RYR2: variants seen among roughly 807,000 people sequenced by gnomAD.
The protein encoded by RYR2 is cardiac muscle ryanodine receptor-calcium release channel.
A neutral mutation model predicts 601.1 loss-of-function variants in RYR2; 227 were observed. That is an observed-to-expected ratio of 0.38 (90% confidence interval 0.34 to 0.42). RYR2 has a LOEUF of 0.42. Among genes scored for constraint, RYR2 ranks in the 10% least tolerant of loss-of-function variants. RYR2 has a pLI of 1.00. For missense variants in RYR2, 4,646 were observed against 6,156.5 expected, an observed-to-expected ratio of 0.75 and a Z score of 8.21; for synonymous variants, 2,223 against 2,175.1, an observed-to-expected ratio of 1.02 and a Z score of -0.61.
chr1:237,163,288 C>T (rs1676241779), intron 1 of RYR2, among the ~76,000 whole-genome samples: 1 of 152,082 alleles, frequency 6.6e-6, no homozygotes, highest in Non-Finnish European at 1.5e-5. Flanking sequence ...CCATCAATAG[C>T]ATTTCCTCAC....
At chr1:237,417,009 T>C (rs1214938320) in intron 10 of RYR2, 40 bp from the exon 11 acceptor site, 2 of 1,574,862 alleles carry the variant, frequency 1.3e-6, no homozygotes, top group African/African-American at 1.3e-5. Context: ...ATGAAACATG[T>C]TTAACTCACA....
chr1:237,194,171 A>C (rs1680304840), intron 1 of RYR2, among the ~76,000 whole-genome samples: 1 of 152,210 alleles, frequency 6.6e-6, no homozygotes, highest in Non-Finnish European at 1.5e-5. Context: ...GAGTACAGCA[A>C]GGAACTCTAT....
chr1:237,492,004 G>C, intron 18 of RYR2, 80 bp downstream of exon 18: 1 of 715,944 alleles, frequency 1.4e-6, no homozygotes, highest in Non-Finnish European at 2.4e-6. Flanking sequence ...CTTTTAAAAA[G>C]TGTGTCAAAT....
chr1:237,744,380 G>A (rs1178979797), intron 80 of RYR2, among the ~76,000 whole-genome samples: 1 of 151,122 alleles, frequency 6.6e-6, no homozygotes, highest in African/African-American at 2.4e-5. Flanking sequence ...AGGTGGCCAG[G>A]TGCAGAGGCT....
At chr1:237,692,680 C>G (rs1189222654) in intron 63 of RYR2, among the ~76,000 whole-genome samples, 2 of 152,190 alleles carry the variant, frequency 1.3e-5, no homozygotes, top group African/African-American at 2.4e-5. Flanking sequence ...AGTAAAGGAC[C>G]CTCACACATA....
Position 237,700,487 on chromosome 1 carries a change from GGA to G in RYR2, c.9367+22_9367+23del. 1 of 1,305,718 alleles carries G rather than the reference GGA, an allele frequency of 7.7e-7. No homozygotes were observed. Among genetic ancestry groups the G allele is most frequent in the Non-Finnish European group, 1.1e-6 (1 of 935,624 alleles). 80.9% of individuals were successfully genotyped at this position (1,305,718 alleles called of 1,614,324 possible). ...TAATATGTATGTAAATTTATATCTT[GGA>G]GTTTTTTTTTTTTTAATCGAAATAC... On this transcript the variant is annotated intron_variant, in intron 65 of 104. Coordinates refer to ENST00000366574, the MANE Select transcript of RYR2 (RefSeq NM_001035.3).
chr1:237,585,081 T>C (rs1192699253), intron 29 of RYR2, among the ~76,000 whole-genome samples: 5 of 152,120 alleles, frequency 3.3e-5, no homozygotes, highest in Non-Finnish European at 7.4e-5. Flanking sequence ...CACGCTTGTT[T>C]GTTTACCTAC....
intron 1 of RYR2, among the ~76,000 whole-genome samples, chr1:237,191,128 G>A (rs1025203307): frequency 4.6e-5 from 7 of 152,098 alleles, no homozygotes; most frequent in African/African-American, 1.4e-4. Flanking sequence ...TATTTTGTTT[G>A]TGGATATCCA....
chr1:237,125,025 T>C (rs1475695497), intron 1 of RYR2, among the ~76,000 whole-genome samples: 1 of 152,198 alleles, frequency 6.6e-6, no homozygotes, highest in Non-Finnish European at 1.5e-5. Flanking sequence ...GAGCGAAAAC[T>C]GGTAGAAACT....
intron 10 of RYR2, among the ~76,000 whole-genome samples, chr1:237,396,901 G>C (rs1702904092): frequency 6.6e-6 from 1 of 151,534 alleles, no homozygotes; most frequent in African/African-American, 2.4e-5. Flanking sequence ...AGTTTTAAGG[G>C]AAAAAAAATC....
At chr1:237,100,833 T>C (rs1668004259) in intron 1 of RYR2, among the ~76,000 whole-genome samples, 1 of 152,204 alleles carries the variant, frequency 6.6e-6, no homozygotes. Flanking sequence ...CTTCTGAAGT[T>C]ATCCCGGCCC....
At chr1:237,197,139 C>G (rs1680662375) in intron 1 of RYR2, among the ~76,000 whole-genome samples, 1 of 152,074 alleles carries the variant, frequency 6.6e-6, no homozygotes. Context: ...GCTGAATTGT[C>G]ATTCAGATAA....
chr1:237,261,602 A>G (rs1688531134), intron 1 of RYR2, among the ~76,000 whole-genome samples: 1 of 152,192 alleles, frequency 6.6e-6, no homozygotes, highest in Non-Finnish European at 1.5e-5. Flanking sequence ...TTACAAAGAA[A>G]TAAAACACTT....
At chr1:237,559,498 G>A (rs1266349145) in intron 27 of RYR2, among the ~76,000 whole-genome samples, 2 of 151,992 alleles carry the variant, frequency 1.3e-5, no homozygotes, top group Non-Finnish European at 2.9e-5. Context: ...CACCTGCCTC[G>A]GCCTCCCAAA....
chr1:237,146,923 G>T (rs1209749947), intron 1 of RYR2, among the ~76,000 whole-genome samples: 3 of 152,092 alleles, frequency 2.0e-5, no homozygotes, highest in Admixed American at 1.3e-4. Context: ...AATTAGTTTA[G>T]TGTTGAACAT....
At chr1:237,271,369 A>T (rs1026877108) in intron 2 of RYR2, among the ~76,000 whole-genome samples, 1 of 152,202 alleles carries the variant, frequency 6.6e-6, no homozygotes, top group African/African-American at 2.4e-5. Flanking sequence ...TAATATCAGC[A>T]TAGATTTTCT....
At chr1:237,504,909 T>C (rs1665057255) in intron 22 of RYR2, among the ~76,000 whole-genome samples, 1 of 152,104 alleles carries the variant, frequency 6.6e-6, no homozygotes, top group South Asian at 2.1e-4. Context: ...TAGAGTCTCA[T>C]AAGGAGTGCG....
chr1:237,615,276 A>G (rs1362875385), intron 37 of RYR2, among the ~76,000 whole-genome samples: 2 of 152,096 alleles, frequency 1.3e-5, no homozygotes, highest in Admixed American at 6.5e-5. Flanking sequence ...ACTGCAGCCT[A>G]GAACTCCTGG....
intron 95 of RYR2, among the ~76,000 whole-genome samples, chr1:237,795,052 T>C (rs1362399524): frequency 2.0e-5 from 3 of 152,226 alleles, no homozygotes; most frequent in Admixed American, 1.3e-4. Context: ...CTCATATTCT[T>C]CTCCATTAAA....
Sources: gnomAD v4.1 joint callset for allele counts (sites outside exome capture counted in the v4.1 genomes callset) on GRCh38, gnomAD v4.1.1 for gene constraint, MANE v1.5 for transcripts, NCBI Gene and HGNC (gene_info 2026-07-23, HGNC 2026-07-21) for gene names.